The following ADGRV1 variants were observed in gnomAD, a reference collection of about 807,000 sequenced individuals.
The protein encoded by ADGRV1 is G-protein coupled receptor 98.
ADGRV1 carries 359 observed loss-of-function variants against 596.2 expected under a neutral mutation model. That is an observed-to-expected ratio of 0.60 (90% CI 0.55 to 0.66). ADGRV1 has a LOEUF of 0.66. ADGRV1 is among the 30% of genes least tolerant of loss of function. The pLI is 0.00. For missense variants in ADGRV1, 7,274 were observed against 7,575.6 expected, an observed-to-expected ratio of 0.96 and a Z score of 1.48; for synonymous variants, 2,681 against 2,679.2, an observed-to-expected ratio of 1.00 and a Z score of -0.02.
intron 85 of ADGRV1, among the ~76,000 whole-genome samples, chr5:91,056,261 G>T (rs1786841650): frequency 8.1e-6 from 1 of 123,860 alleles, no homozygotes; most frequent in African/African-American, 2.5e-5. Context: ...CTTCTCAGAG[G>T]TAATGGTTTC....
At position 91,163,830 on chromosome 5, in the gene ADGRV1, AG is replaced by A; in HGVS notation, c.18857del (p.Gly6286AlafsTer3). 1 of 1,606,486 alleles carries A rather than the reference AG, an allele frequency of 6.2e-7. No homozygotes were observed. The highest frequency in any genetic ancestry group is 8.5e-7 in the Non-Finnish European group (1 of 1,174,984). ...SDNESGQGSQ[E>X]GGTLTDSQIV... ...AATGAATCTGGTCAAGGCAGCCAGG[AG>A]GGGGGCACCTTGACTGACTCCCAGA... is the stretch of plus-strand genomic sequence containing the variant. On this transcript the variant is annotated frameshift_variant, in exon 90 of 90. Transcript: ENST00000405460. LOFTEE classifies it high-confidence loss of function.
intron 75 of ADGRV1, among the ~76,000 whole-genome samples, chr5:90,819,062 G>T (rs1763208333): frequency 6.6e-6 from 1 of 152,100 alleles, no homozygotes; most frequent in Non-Finnish European, 1.5e-5. Flanking sequence ...TTTTTGGTTG[G>T]TAAACTATTG....
At chr5:90,777,385 A>G (rs1581091067) in intron 61 of ADGRV1, among the ~76,000 whole-genome samples, 1 of 152,184 alleles carries the variant, frequency 6.6e-6, no homozygotes, top group Non-Finnish European at 1.5e-5. Flanking sequence ...GGCCTATCAT[A>G]TAACTAAATT....
intron 85 of ADGRV1, among the ~76,000 whole-genome samples, chr5:91,046,921 A>G (rs912021509): frequency 6.6e-6 from 1 of 152,228 alleles, no homozygotes; most frequent in Non-Finnish European, 1.5e-5. Flanking sequence ...AAAAATGCTC[A>G]GCATCACTAA....
At chr5:91,104,390 G>T (rs925943536) in intron 87 of ADGRV1, among the ~76,000 whole-genome samples, 4 of 152,156 alleles carry the variant, frequency 2.6e-5, no homozygotes, top group Non-Finnish European at 1.5e-5. Context: ...CAGATTAAAA[G>T]AATTAGCATA....
At chr5:91,096,997 A>G (rs1425993158) in intron 86 of ADGRV1, among the ~76,000 whole-genome samples, 1 of 152,218 alleles carries the variant, frequency 6.6e-6, no homozygotes, top group Non-Finnish European at 1.5e-5. Context: ...CTTGTTTCAC[A>G]TAACATTTTC....
At chr5:90,585,690 T>C (rs772462208) in intron 1 of ADGRV1, among the ~76,000 whole-genome samples, 1 of 152,148 alleles carries the variant, frequency 6.6e-6, no homozygotes, top group African/African-American at 2.4e-5. Context: ...GAAGCTGAAA[T>C]TGAAGGAGAT....
rs868488177 is a variant in ADGRV1 at position 90,595,606 on chromosome 5, C to T, written c.23-19229C>T. Among the ~76,000 whole-genome samples, 193 of 123,254 alleles carry T rather than the reference C, an allele frequency of 1.6e-3. 4 individuals are homozygous for T. The highest frequency in any genetic ancestry group is 5.7e-3 in the African/African-American group (167 of 29,298). The allele number at this position is 123,254 out of a possible 152,430, so 80.9% of individuals were successfully genotyped here. On this transcript the variant is annotated intron_variant, in intron 1 of 89. Transcript: ENST00000405460. ...CTCCCAGATGGGGCGGCTGGCCGGG[C>T]GGGGGGCTGACCCCCCCACCTCCCT...
chr5:91,015,235 G>A (rs531224446), intron 85 of ADGRV1, among the ~76,000 whole-genome samples: 1 of 152,158 alleles, frequency 6.6e-6, no homozygotes, highest in African/African-American at 2.4e-5. Flanking sequence ...CTGCACTGTG[G>A]TTTGAGAGTG....
intron 83 of ADGRV1, among the ~76,000 whole-genome samples, chr5:90,892,275 C>G (rs1770897307): frequency 6.6e-6 from 1 of 151,918 alleles, no homozygotes; most frequent in African/African-American, 2.4e-5. Context: ...TTGTTCTGTT[C>G]TAGTACTTTC....
At chr5:90,780,708 C>CT (rs1758745159) in intron 64 of ADGRV1, among the ~76,000 whole-genome samples, 1 of 150,392 alleles carries the variant, frequency 6.6e-6, no homozygotes, top group South Asian at 2.1e-4. Context: ...CTTTCTTTCC[C>CT]TTTTTCTTTC....
chr5:90,721,535 A>G (rs369666550), intron 45 of ADGRV1, among the ~76,000 whole-genome samples: 1 of 15,204 alleles, frequency 6.6e-5, no homozygotes, highest in Non-Finnish European at 9.5e-5. Flanking sequence ...AAAAATAAAA[A>G]TAAAATAAAA....
rs190125624 is a variant in ADGRV1, at chr5:90,754,963, G to T, written c.11378-20G>T. ...AGCAAATAGAAAAGACTATTTACTC[G>T]TGGCATGTTTCTCTCACAGAAAACA... is the stretch of plus-strand genomic sequence containing the variant. On this transcript the variant is annotated intron_variant, in intron 54 of 89. Coordinates refer to ENST00000405460, the MANE Select transcript of ADGRV1 (RefSeq NM_032119.4). 6.4e-7 allele frequency: 1 copy of T among 1,558,324 alleles called. No individual in the cohort carries two copies. The highest frequency in any genetic ancestry group is 8.9e-7 in the Non-Finnish European group (1 of 1,129,910).
In ADGRV1 at chr5:90,810,940, T is replaced by C; in HGVS notation, c.15680T>C (p.Val5227Ala). 6.2e-7 allele frequency: 1 copy of C among 1,613,992 alleles called. No individual in the cohort carries two copies. Among genetic ancestry groups the C allele is most frequent in the Non-Finnish European group, 8.5e-7 (1 of 1,179,892 alleles). Reference sequence around the variant, plus strand: ...ACATTCAGCCTTGGGCCATCCATTGTTTATATTGAAGAGGAGATGAAGAAT... The same window carrying C: ...ACATTCAGCCTTGGGCCATCCATTGCTTATATTGAAGAGGAGATGAAGAAT... ...HGTFSLGPSI[V>A]YIEEEMKNGT... is the part of the protein sequence containing the mutation. Residue 5227 changes from valine (V) to alanine (A), a missense_variant, in exon 74 of 90, where the codon GTT (valine) becomes GCT (alanine). Physicochemically the swap from Val to Ala is moderately conservative, Grantham distance 64. Transcript: ENST00000405460.
At chr5:91,015,320 T>C (rs1296693436) in intron 85 of ADGRV1, among the ~76,000 whole-genome samples, 2 of 152,114 alleles carry the variant, frequency 1.3e-5, no homozygotes, top group Non-Finnish European at 2.9e-5. Context: ...GATTTTAAAG[T>C]ATGTGCCATG....
At chr5:90,653,075 G>A (rs912580296) in intron 19 of ADGRV1, 134 bp from the exon 20 acceptor site, 3 of 780,826 alleles carry the variant, frequency 3.8e-6, no homozygotes, top group Non-Finnish European at 6.0e-6. Flanking sequence ...GCCACATGGT[G>A]ACACTACTTT....
chr5:90,864,776 T>C lies in ADGRV1; in HGVS notation c.17856+919T>C, dbSNP rs567753320. On this transcript the variant is annotated intron_variant, in intron 83 of 89. Transcript: ENST00000405460. ...ATATAATGCTCTTATGGAGATAATT[T>C]TTAATATTGTTTTATAAAATTAAAA... Among the ~76,000 whole-genome samples the C allele has an allele frequency of 4.6e-5, 7 of 152,322 alleles. No homozygotes were observed. In the East Asian group the frequency reaches 1.3e-3, roughly 29 times the overall value.
At chr5:91,136,447 T>C (rs567673180) in intron 87 of ADGRV1, among the ~76,000 whole-genome samples, 4 of 152,324 alleles carry the variant, frequency 2.6e-5, no homozygotes, top group African/African-American at 9.6e-5. Context: ...TGCTTGGCCT[T>C]GTAATGTTAT....
intron 83 of ADGRV1, among the ~76,000 whole-genome samples, chr5:90,898,873 G>A (rs769875469): frequency 2.6e-5 from 4 of 151,984 alleles, no homozygotes; most frequent in Non-Finnish European, 4.4e-5. Context: ...GTGTGTTCAG[G>A]GGCTCGAGGC....
Sources: allele counts gnomAD v4.1 joint callset (sites outside exome capture counted in the v4.1 genomes callset), GRCh38; gene constraint gnomAD v4.1.1; transcripts MANE v1.5; gene names NCBI Gene and HGNC (gene_info 2026-07-23, HGNC 2026-07-21).